FSTL5: variants seen among roughly 807,000 people sequenced by gnomAD.
FSTL5 encodes follistatin-related protein 5.
Under a neutral mutation model 89.1 loss-of-function variants are expected in FSTL5, and 62 were observed. The ratio of observed to expected loss-of-function variants is 0.70; its 90% CI spans 0.57 to 0.86. The LOEUF (loss-of-function observed/expected upper bound fraction) is 0.86. Ranked by LOEUF, FSTL5 falls within the 40% of genes least tolerant of loss-of-function variation. The pLI is 0.00. For synonymous variants in FSTL5, 383 were observed against 346.2 expected (o/e 1.11, Z -1.18); for missense variants, 1,057 against 1,001.6 (o/e 1.06, Z -0.75).
intron 7 of FSTL5, among the ~76,000 whole-genome samples, chr4:161,655,821 T>G (rs1327503218): frequency 6.6e-6 from 1 of 152,158 alleles, no homozygotes; most frequent in East Asian, 1.9e-4. Flanking sequence ...TATTTTCATG[T>G]TAGCACATAT....
intron 6 of FSTL5, among the ~76,000 whole-genome samples, chr4:161,709,399 T>C (rs183824026): frequency 6.6e-6 from 1 of 152,220 alleles, no homozygotes; most frequent in Admixed American, 6.6e-5. Context: ...TTTCATTTGT[T>C]TAAAGTTCTT....
intron 4 of FSTL5, among the ~76,000 whole-genome samples, chr4:161,845,912 G>A (rs889701843): frequency 6.6e-6 from 1 of 152,080 alleles, no homozygotes; most frequent in African/African-American, 2.4e-5. Context: ...TGGGCATGGT[G>A]GCAGGTGCCT....
At chr4:162,144,314 C>T (rs565016356) in intron 1 of FSTL5, among the ~76,000 whole-genome samples, 80 of 152,250 alleles carry the variant, frequency 5.3e-4, no homozygotes, top group African/African-American at 1.9e-3. Context: ...GTTATATGTT[C>T]TATTATCGAT....
At chr4:161,930,796 C>T (rs1024375368) in intron 3 of FSTL5, among the ~76,000 whole-genome samples, 1 of 151,834 alleles carries the variant, frequency 6.6e-6, no homozygotes, top group Non-Finnish European at 1.5e-5. Context: ...TTTGTTTATC[C>T]CTTGAATTAT....
chr4:161,474,495 T>C (rs2126441052), intron 13 of FSTL5, among the ~76,000 whole-genome samples: 1 of 152,168 alleles, frequency 6.6e-6, no homozygotes, highest in East Asian at 1.9e-4. Flanking sequence ...ATGTATTTGC[T>C]TTTATAAAGA....
intron 6 of FSTL5, among the ~76,000 whole-genome samples, chr4:161,682,748 T>C (rs187383220): frequency 1.8e-3 from 267 of 147,040 alleles, no homozygotes; most frequent in Non-Finnish European, 3.3e-3. Flanking sequence ...TTAACTTTCC[T>C]TTTTTTTTTA....
intron 1 of FSTL5, among the ~76,000 whole-genome samples, chr4:162,113,010 T>C (rs1731508099): frequency 6.6e-6 from 1 of 152,172 alleles, no homozygotes; most frequent in Admixed American, 6.5e-5. Context: ...ATTTTGCCAT[T>C]AAATATTGTG....
chr4:162,114,370 G>C (rs765282306), intron 1 of FSTL5, among the ~76,000 whole-genome samples: 3 of 152,120 alleles, frequency 2.0e-5, no homozygotes, highest in Non-Finnish European at 4.4e-5. Flanking sequence ...TTGTCCACGA[G>C]GAGAGTCAAG....
At chr4:161,757,963 C>T (rs1740637773) in intron 6 of FSTL5, among the ~76,000 whole-genome samples, 1 of 152,098 alleles carries the variant, frequency 6.6e-6, no homozygotes, top group African/African-American at 2.4e-5. Context: ...GCTAATCTAA[C>T]AACACCCTTC....
chr4:161,512,542 A>C (rs1730685001), intron 10 of FSTL5, among the ~76,000 whole-genome samples: 1 of 152,116 alleles, frequency 6.6e-6, no homozygotes, highest in Non-Finnish European at 1.5e-5. Context: ...AATGAAGTGA[A>C]GGGTATGATT....
intron 7 of FSTL5, among the ~76,000 whole-genome samples, chr4:161,606,002 G>T (rs1201797075): frequency 2.6e-5 from 4 of 152,104 alleles, no homozygotes. Context: ...CTCTCTCTTG[G>T]ATGATTGCCA....
intron 7 of FSTL5, among the ~76,000 whole-genome samples, chr4:161,650,453 T>A (rs903987218): frequency 7.2e-5 from 11 of 152,330 alleles, no homozygotes; most frequent in African/African-American, 2.6e-4. Flanking sequence ...AATTCAAATT[T>A]ACCTGGGAGT....
At chr4:161,615,728 T>G (rs1262641975) in intron 7 of FSTL5, among the ~76,000 whole-genome samples, 1 of 152,174 alleles carries the variant, frequency 6.6e-6, no homozygotes, top group African/African-American at 2.4e-5. Flanking sequence ...AATGCTAAAA[T>G]GACAATGAGA....
intron 6 of FSTL5, among the ~76,000 whole-genome samples, chr4:161,711,105 T>C (rs1473713683): frequency 1.3e-5 from 2 of 151,846 alleles, no homozygotes; most frequent in African/African-American, 4.8e-5. Context: ...GTAATATTTT[T>C]AATTAATAAC....
intron 13 of FSTL5, among the ~76,000 whole-genome samples, chr4:161,466,897 T>C (rs1475759889): frequency 6.6e-6 from 1 of 152,092 alleles, no homozygotes; most frequent in Non-Finnish European, 1.5e-5. Context: ...TATTATATTG[T>C]CATAAAATAT....
At chr4:161,492,711 A>G (rs1246100157) in intron 12 of FSTL5, among the ~76,000 whole-genome samples, 4 of 152,022 alleles carry the variant, frequency 2.6e-5, no homozygotes, top group African/African-American at 9.7e-5. Context: ...AACGAGTTGT[A>G]ATGGGCAATA....
chr4:162,064,351 C>A (rs2111290300), intron 2 of FSTL5, among the ~76,000 whole-genome samples: 1 of 152,120 alleles, frequency 6.6e-6, no homozygotes, highest in South Asian at 2.1e-4. Context: ...TATGCATCAG[C>A]TTGACTGGGC....
intron 6 of FSTL5, among the ~76,000 whole-genome samples, chr4:161,658,948 C>A (rs943467199): frequency 2.0e-5 from 3 of 152,092 alleles, no homozygotes; most frequent in East Asian, 1.9e-4. Context: ...CTTCACTAAC[C>A]CTTCCGCATC....
intron 2 of FSTL5, among the ~76,000 whole-genome samples, chr4:162,056,710 A>T (rs1243053084): frequency 6.6e-6 from 1 of 152,166 alleles, no homozygotes; most frequent in Non-Finnish European, 1.5e-5. Context: ...ACATTTTTTT[A>T]AAGTTTTATT....
Sources: gnomAD v4.1 joint callset for allele counts (sites outside exome capture counted in the v4.1 genomes callset) on GRCh38, gnomAD v4.1.1 for gene constraint, MANE v1.5 for transcripts, NCBI Gene and HGNC (gene_info 2026-07-23, HGNC 2026-07-21) for gene names.